GLIS1: variants seen among roughly 807,000 people sequenced by gnomAD.
The protein encoded by GLIS1 is zinc finger protein GLIS1.
GLIS1 carries 24 observed loss-of-function variants against 63.8 expected under a neutral mutation model. The observed-to-expected ratio is 0.38, with a 90% CI of 0.27 to 0.53. The LOEUF (loss-of-function observed/expected upper bound fraction) is 0.53, where lower values mean the gene tolerates loss of function less well. GLIS1 is among the 20% of genes least tolerant of loss of function. The probability of loss-of-function intolerance (pLI) is 0.85; values close to 1 mark genes in which losing one functional copy is unlikely to be tolerated. For missense variants in GLIS1, 1,036 were observed against 1,074.1 expected, an observed-to-expected ratio of 0.96 and a Z score of 0.50; for synonymous variants, 450 against 482.5, an observed-to-expected ratio of 0.93 and a Z score of 0.88.
At chr1:53,548,921 T>G (rs1644732443) in intron 4 of GLIS1, among the ~76,000 whole-genome samples, 1 of 152,238 alleles carries the variant, frequency 6.6e-6, no homozygotes. Flanking sequence ...TTGTATCTAC[T>G]AGCAGACAGC....
At chr1:53,612,911 C>T (rs3006895) in intron 2 of GLIS1, among the ~76,000 whole-genome samples, 113,663 of 150,952 alleles carry the variant, frequency 0.75, 42,934 homozygotes, top group Middle Eastern at 0.86. Context: ...CTCTGCCTCC[C>T]AGGTTTACAC....
At chr1:53,507,502 T>C (rs1644247444) in intron 10 of GLIS1, among the ~76,000 whole-genome samples, 1 of 152,156 alleles carries the variant, frequency 6.6e-6, no homozygotes. Context: ...GGTGATCTTC[T>C]CCAGCCCCTG....
At chr1:53,564,647 G>C (rs1311214260) in intron 4 of GLIS1, among the ~76,000 whole-genome samples, 1 of 152,016 alleles carries the variant, frequency 6.6e-6, no homozygotes, top group African/African-American at 2.4e-5. Flanking sequence ...AAAAGTTTAA[G>C]GGGTAGAAAA....
intron 6 of GLIS1, among the ~76,000 whole-genome samples, chr1:53,523,413 G>C (rs1644431658): frequency 2.6e-5 from 4 of 152,178 alleles, no homozygotes. Flanking sequence ...GCCTGAGGCA[G>C]CTGCTTCCTC....
chr1:53,654,849 T>C (rs1305593344), intron 2 of GLIS1, among the ~76,000 whole-genome samples: 1 of 151,960 alleles, frequency 6.6e-6, no homozygotes, highest in Non-Finnish European at 1.5e-5. Context: ...GGACCAAAAG[T>C]ACAGCTAACT....
intron 3 of GLIS1, among the ~76,000 whole-genome samples, chr1:53,599,880 C>A (rs1053540839): frequency 6.6e-6 from 1 of 152,274 alleles, no homozygotes; most frequent in Non-Finnish European, 1.5e-5. Flanking sequence ...GCTTCGTCTG[C>A]TTGTTCAGCA....
At chr1:53,599,428 C>T (rs1482157095) in intron 3 of GLIS1, among the ~76,000 whole-genome samples, 1 of 152,220 alleles carries the variant, frequency 6.6e-6, no homozygotes, top group Admixed American at 6.5e-5. Context: ...CGGGACTCTG[C>T]AGAGGTCCAG....
intron 2 of GLIS1, among the ~76,000 whole-genome samples, chr1:53,661,242 C>T (rs1000588532): frequency 3.3e-5 from 5 of 151,920 alleles, no homozygotes; most frequent in African/African-American, 7.3e-5. Flanking sequence ...CTCACCCAGT[C>T]GAGACAGTCA....
At chr1:53,578,111 C>G (rs1325481690) in intron 4 of GLIS1, among the ~76,000 whole-genome samples, 2 of 152,206 alleles carry the variant, frequency 1.3e-5, no homozygotes, top group African/African-American at 4.8e-5. Flanking sequence ...CACTAGGCTA[C>G]AGACTCCTTG....
At chr1:53,584,380 G>A (rs749681917) in intron 4 of GLIS1, among the ~76,000 whole-genome samples, 1 of 152,152 alleles carries the variant, frequency 6.6e-6, no homozygotes, top group East Asian at 1.9e-4. Flanking sequence ...AAACCTTCAC[G>A]TGTGCTGTTT....
intron 2 of GLIS1, among the ~76,000 whole-genome samples, chr1:53,715,998 C>T (rs995716246): frequency 9.9e-5 from 15 of 152,110 alleles, no homozygotes; most frequent in African/African-American, 2.4e-4. Context: ...CTGGAGAGGG[C>T]GAGAGTCGCA....
At position 53,507,849 on chromosome 1, in the gene GLIS1, T is replaced by C. The variant is rs548785620; in HGVS notation, c.2231-1073A>G. ...TGCTGCTCAGCTGAGAAATCCCATGTGGGCTGGATGGGGGTGGGGAGGACA... is the reference window on the plus strand; with the variant it reads ...TGCTGCTCAGCTGAGAAATCCCATGCGGGCTGGATGGGGGTGGGGAGGACA... On this transcript the variant is annotated intron_variant, in intron 10 of 10. Coordinates refer to ENST00000628545, the MANE Select transcript of GLIS1 (RefSeq NM_001367484.1). 1.4e-3 allele frequency among the ~76,000 whole-genome samples: 219 copies of C among 152,264 alleles called. 1 individual carries two copies. Among genetic ancestry groups the C allele is most frequent in the African/African-American group, 5.2e-3 (214 of 41,550 alleles).
At chr1:53,737,750 C>G (rs896596565) in intron 2 of GLIS1, 56 bp downstream of exon 2, 2 of 1,229,136 alleles carry the variant, frequency 1.6e-6, no homozygotes, top group Admixed American at 4.2e-5. Flanking sequence ...GTGGCGACGC[C>G]GGGCAGCCCG....
intron 4 of GLIS1, among the ~76,000 whole-genome samples, chr1:53,545,524 G>T (rs1426304140): frequency 6.6e-6 from 1 of 152,212 alleles, no homozygotes; most frequent in Non-Finnish European, 1.5e-5. Flanking sequence ...TACCTAAACA[G>T]TAAGTATAGT....
At chr1:53,600,600 C>T (rs1367769177) in intron 2 of GLIS1, among the ~76,000 whole-genome samples, 1 of 152,164 alleles carries the variant, frequency 6.6e-6, no homozygotes, top group African/African-American at 2.4e-5. Context: ...AGAGAAACTC[C>T]GAGTCTCTTG....
intron 4 of GLIS1, among the ~76,000 whole-genome samples, chr1:53,558,584 C>T (rs890505461): frequency 3.3e-5 from 5 of 152,238 alleles, no homozygotes; most frequent in African/African-American, 9.6e-5. Context: ...CATGTGTCCA[C>T]TGCCCTTCTC....
intron 2 of GLIS1, among the ~76,000 whole-genome samples, chr1:53,691,577 C>G (rs994130249): frequency 4.6e-5 from 7 of 152,158 alleles, no homozygotes; most frequent in African/African-American, 1.4e-4. Flanking sequence ...CACCACTGCT[C>G]CTCCTCCATT....
chr1:53,648,763 C>T (rs563965996), intron 2 of GLIS1, among the ~76,000 whole-genome samples: 3 of 152,224 alleles, frequency 2.0e-5, no homozygotes, highest in East Asian at 3.9e-4. Context: ...CCAGCCATAT[C>T]GAGTTCAAAA....
chr1:53,542,196 T>C (rs1159444417), intron 4 of GLIS1, among the ~76,000 whole-genome samples: 1 of 152,234 alleles, frequency 6.6e-6, no homozygotes, highest in African/African-American at 2.4e-5. Flanking sequence ...GGCCTCGGTT[T>C]TCATCTGTCA....
Sources: allele counts gnomAD v4.1 joint callset (sites outside exome capture counted in the v4.1 genomes callset), GRCh38; gene constraint gnomAD v4.1.1; transcripts MANE v1.5; gene names NCBI Gene and HGNC (gene_info 2026-07-23, HGNC 2026-07-21).